Variants in CHRNA5 observed in about 807,000 individuals in gnomAD.
CHRNA5 encodes the protein neuronal acetylcholine receptor subunit alpha-5.
A neutral mutation model predicts 41.2 loss-of-function variants in CHRNA5; 28 were observed. That is an observed-to-expected ratio of 0.68 (90% CI 0.50 to 0.93). The LOEUF (loss-of-function observed/expected upper bound fraction) is 0.93, where lower values mean the gene tolerates loss of function less well. Ranked by LOEUF, CHRNA5 falls within the 40% of genes least tolerant of loss-of-function variation. The pLI, the probability that CHRNA5 is intolerant of heterozygous loss-of-function variation, is 0.00. For synonymous variants in CHRNA5, 188 were observed against 205.8 expected (o/e 0.91, Z 0.74); for missense variants, 481 against 581.9 (o/e 0.83, Z 1.78).
Position 78,593,075 on chromosome 15 carries a change from T to C in CHRNA5, c.1246-17T>C. 1 of 1,596,876 alleles carries C rather than the reference T, an allele frequency of 6.3e-7. No individual in the cohort carries two copies. The highest frequency in any genetic ancestry group is 8.5e-7 in the Non-Finnish European group (1 of 1,174,310). The stretch of plus-strand genomic sequence containing the variant: ...AATTTACAATTATTTAATGCATTTT[T>C]ATTTTTTTCCTAACAGGTTGTTGAA... On this transcript the variant is annotated splice_polypyrimidine_tract_variant and intron_variant, in intron 5 of 5. Coordinates refer to ENST00000299565, the Ensembl canonical transcript of CHRNA5.
At position 78,588,645 on chromosome 15, in the gene CHRNA5, G is replaced by A. The variant is rs981009607; in HGVS notation, c.413+222G>A. 6.6e-6 allele frequency among the ~76,000 whole-genome samples: 1 copy of A among 152,186 alleles called. No individual in the cohort carries two copies. The highest frequency in any genetic ancestry group is 1.5e-5 in the Non-Finnish European group (1 of 68,016). ...CACAGAGCTAGCACATGGCAGAGTA[G>A]GGGGGTCACACCAAGGGGACTGATA... On this transcript the variant is annotated intron_variant, in intron 4 of 5. Coordinates refer to ENST00000299565, the Ensembl canonical transcript of CHRNA5. This position sits in a 1 kb window ranked among gnomAD's most constrained non-coding sequence, Gnocchi z 4.1.
At chr15:78,579,827 C>G (rs907237012) in intron 1 of CHRNA5, among the ~76,000 whole-genome samples, 1 of 152,182 alleles carries the variant, frequency 6.6e-6, no homozygotes, top group African/African-American at 2.4e-5. Flanking sequence ...GCATTTTCTT[C>G]ATTTAGCTTC....
At chr15:78,575,635 T>C (rs905796753) in intron 1 of CHRNA5, among the ~76,000 whole-genome samples, 1 of 152,256 alleles carries the variant, frequency 6.6e-6, no homozygotes, top group African/African-American at 2.4e-5. Flanking sequence ...ACAGTCTTTG[T>C]TGGTCTATCA....
intron 1 of CHRNA5, among the ~76,000 whole-genome samples, chr15:78,567,054 C>T (rs928379056): frequency 2.6e-5 from 4 of 151,856 alleles, no homozygotes; most frequent in African/African-American, 7.3e-5. Flanking sequence ...AGATCGAGAC[C>T]ATCCTGGCTA....
At chr15:78,592,133 C>T (rs1173478320) in intron 5 of CHRNA5, among the ~76,000 whole-genome samples, 1 of 151,934 alleles carries the variant, frequency 6.6e-6, no homozygotes, top group Middle Eastern at 3.2e-3. Context: ...ACCAGCCTGG[C>T]CAATATGGTG....
chr15:78,566,992 C>A (rs953239219), intron 1 of CHRNA5, among the ~76,000 whole-genome samples: 5 of 152,166 alleles, frequency 3.3e-5, no homozygotes, highest in Non-Finnish European at 7.4e-5. Context: ...GTGGCTCACG[C>A]CTGTAATCCC....
chr15:78,570,424 A>ATTTTTTTTTTTT lies in CHRNA5; in HGVS notation c.106+4613_106+4624dup, dbSNP rs71148540. On this transcript the variant is annotated intron_variant, in intron 1 of 5. Coordinates refer to ENST00000299565, the Ensembl canonical transcript of CHRNA5. ...CAGGCATGTGCCACCAATCCCGGCTATTTTTTTTTTTTTTTTTTTTTTTTT... is the reference window on the plus strand; with the variant it reads ...CAGGCATGTGCCACCAATCCCGGCTATTTTTTTTTTTTTTTTTTTTTTTTTTTTTTTTTTTTT... Among the ~76,000 whole-genome samples, 574 of 64,154 alleles carry ATTTTTTTTTTTT rather than the reference A, an allele frequency of 8.9e-3. 88 individuals carry two copies. The highest frequency in any genetic ancestry group is 0.038 in the East Asian group (47 of 1,252). The allele number at this position is 64,154 out of a possible 152,430, so 42.1% of individuals were successfully genotyped here. A position where few individuals can be genotyped will look rare whatever the true frequency, so the allele number is the denominator to read the frequency against.
Position 78,588,070 on chromosome 15 carries a change from G to A in CHRNA5, c.304-244G>A, listed in dbSNP as rs1216207948. On this transcript the variant is annotated intron_variant, in intron 3 of 5. Coordinates refer to ENST00000299565, the Ensembl canonical transcript of CHRNA5. The surrounding 1 kb of genome is among the most constrained non-coding windows in gnomAD (Gnocchi z 4.1). ...GTCAGTTGATGGGAGAAGAGTTGCC[G>A]AGCAGAGCCATGAACACATCTAGCT... Among the ~76,000 whole-genome samples the A allele has an allele frequency of 3.9e-5, 6 of 152,294 alleles. No homozygotes were observed. Among genetic ancestry groups the A allele is most frequent in the African/African-American group, 9.6e-5 (4 of 41,558 alleles).
chr15:78,580,550 A>G (rs1379960609), intron 1 of CHRNA5, among the ~76,000 whole-genome samples: 1 of 152,180 alleles, frequency 6.6e-6, no homozygotes, highest in Non-Finnish European at 1.5e-5. Context: ...TTATTCTATC[A>G]GAAATACTTA....
At chr15:78,589,740 A>G in intron 4 of CHRNA5, 65 bp from the exon 5 acceptor site, 1 of 1,257,862 alleles carries the variant, frequency 8.0e-7, no homozygotes, top group South Asian at 1.5e-5. Flanking sequence ...TATTAGGCTT[A>G]TATTAATACA....
At chr15:78,573,792 ATTTTTTTTT>A (rs775402423) in intron 1 of CHRNA5, among the ~76,000 whole-genome samples, 1 of 139,804 alleles carries the variant, frequency 7.2e-6, no homozygotes, top group African/African-American at 2.6e-5. Context: ...TGTTCCTAGA[ATTTTTTTTT>A]TTTTTTTGAG....
intron 5 of CHRNA5, chr15:78,591,216 C>A (rs2053010214): frequency 6.6e-6 from 1 of 152,284 alleles, no homozygotes; most frequent in African/African-American, 2.4e-5. Context: ...ACTAAAAATA[C>A]AAAAATTAGC....
At chr15:78,586,400 G>A (rs1244525664) in intron 2 of CHRNA5, among the ~76,000 whole-genome samples, 1 of 152,162 alleles carries the variant, frequency 6.6e-6, no homozygotes. Flanking sequence ...GATGATTAAT[G>A]TTAAATGCAA....
chr15:78,592,968 A>G, intron 5 of CHRNA5, 124 bp from the exon 6 acceptor site: 1 of 1,155,184 alleles, frequency 8.7e-7, no homozygotes, highest in Non-Finnish European at 1.2e-6. Context: ...AGGGTCACTT[A>G]CCGTTTAGAG....
chr15:78,567,305 T>A (rs1681447109), intron 1 of CHRNA5, among the ~76,000 whole-genome samples: 1 of 151,226 alleles, frequency 6.6e-6, no homozygotes, highest in Non-Finnish European at 1.5e-5. Context: ...CATGCTTACC[T>A]CTCAGAGTTC....
At chr15:78,578,124 A>G (rs2052875730) in intron 1 of CHRNA5, among the ~76,000 whole-genome samples, 1 of 152,216 alleles carries the variant, frequency 6.6e-6, no homozygotes, top group Admixed American at 6.5e-5. Flanking sequence ...TAATCTAAAT[A>G]TCTTCAATGC....
At chr15:78,590,304 T>C (rs2053000603) in exon 5 of CHRNA5, 1 of 1,613,872 alleles carries the variant, frequency 6.2e-7, no homozygotes, top group African/African-American at 1.3e-5. Context: ...GATCATACCA[T>C]CATCTTCAAA....
chr15:78,565,823 G>C (rs1356799887), exon 1 of CHRNA5: 10 of 1,222,638 alleles, frequency 8.2e-6, no homozygotes, highest in Middle Eastern at 3.2e-4. Context: ...GGCGCGCAGA[G>C]AGGTAAGCCC....
At chr15:78,573,046 C>T (rs553684222) in intron 1 of CHRNA5, among the ~76,000 whole-genome samples, 1 of 152,324 alleles carries the variant, frequency 6.6e-6, no homozygotes, top group South Asian at 2.1e-4. Flanking sequence ...AGTTCTACTT[C>T]TGCTGCTTAT....
Sources: allele counts gnomAD v4.1 joint callset (sites outside exome capture counted in the v4.1 genomes callset), GRCh38; gene constraint gnomAD v4.1.1; non-coding constraint Gnocchi (gnomAD v3.1); transcripts MANE v1.5; gene names NCBI Gene and HGNC (gene_info 2026-07-23, HGNC 2026-07-21).